Variants in WASF2 observed in about 807,000 individuals in gnomAD.
WASF2 encodes the protein WASP family member 2.
WASF2 carries 14 observed loss-of-function variants against 45.0 expected under a neutral mutation model. The observed-to-expected ratio is 0.31, with a 90% CI of 0.21 to 0.49. The LOEUF is 0.49. Ranked by LOEUF, WASF2 falls within the 20% of genes least tolerant of loss-of-function variation. WASF2 has a pLI of 0.99. For missense variants in WASF2, 439 were observed against 636.1 expected (o/e 0.69, Z 3.33); for synonymous variants, 200 against 236.3 (o/e 0.85, Z 1.41).
chr1:27,427,707 G>C (rs552009552), intron 2 of WASF2, among the ~76,000 whole-genome samples: 1 of 152,268 alleles, frequency 6.6e-6, no homozygotes, highest in East Asian at 1.9e-4. Context: ...CTATTTTAAA[G>C]GCTGGGCCTA....
At chr1:27,417,894 G>C (rs1397772416) in intron 4 of WASF2, among the ~76,000 whole-genome samples, 1 of 104,038 alleles carries the variant, frequency 9.6e-6, no homozygotes, top group Non-Finnish European at 2.3e-5. Context: ...AGCCTTGCTA[G>C]AATGTTGCCC....
At chr1:27,471,141 G>C (rs1054762904) in intron 1 of WASF2, among the ~76,000 whole-genome samples, 1 of 151,944 alleles carries the variant, frequency 6.6e-6, no homozygotes, top group South Asian at 2.1e-4. Context: ...TCAGGAGATC[G>C]AGACCATCCC....
intron 1 of WASF2, among the ~76,000 whole-genome samples, chr1:27,440,943 T>G (rs2017217194): frequency 6.6e-6 from 1 of 152,112 alleles, no homozygotes. Flanking sequence ...CTCAGCTCAC[T>G]GCAGCCTCCC....
intron 1 of WASF2, among the ~76,000 whole-genome samples, chr1:27,484,022 C>A (rs2017890167): frequency 6.6e-6 from 1 of 152,130 alleles, no homozygotes; most frequent in East Asian, 1.9e-4. Flanking sequence ...ACCTGCAACT[C>A]TTGATACAGT....
chr1:27,404,347 G>A lies in WASF2; in HGVS notation c.*3842C>T, dbSNP rs769565516. On this transcript the variant is annotated 3_prime_UTR_variant, in exon 9 of 9. Transcript: ENST00000618852. ...GGCACAAATGTGGTATACACACGAT[G>A]AGCCTGGCAGGGAAGCAAATGAGAC... 1.3e-5 allele frequency: 2 copies of A among 152,256 alleles called. No homozygotes were observed. The highest frequency in any genetic ancestry group is 2.9e-5 in the Non-Finnish European group (2 of 68,044). 9.4% of individuals were successfully genotyped at this position (152,256 alleles called of 1,614,324 possible).
intron 1 of WASF2, among the ~76,000 whole-genome samples, chr1:27,438,974 G>A (rs2017173278): frequency 6.6e-6 from 1 of 152,192 alleles, no homozygotes; most frequent in Non-Finnish European, 1.5e-5. Context: ...AGACTTACAA[G>A]CTAAAGTCCT....
intron 1 of WASF2, among the ~76,000 whole-genome samples, chr1:27,449,127 A>G (rs192189916): frequency 8.3e-4 from 126 of 152,316 alleles, no homozygotes; most frequent in Middle Eastern, 3.4e-3. Flanking sequence ...TCCACATGCC[A>G]TAACGGTTCT....
chr1:27,417,281 C>T (rs1291670969), intron 4 of WASF2, among the ~76,000 whole-genome samples: 1 of 152,234 alleles, frequency 6.6e-6, no homozygotes, highest in Non-Finnish European at 1.5e-5. Context: ...CCAAACCCAA[C>T]TAGACTCAAT....
chr1:27,481,953 ATT>A (rs2017857542), intron 1 of WASF2, among the ~76,000 whole-genome samples: 1 of 152,162 alleles, frequency 6.6e-6, no homozygotes, highest in Non-Finnish European at 1.5e-5. Flanking sequence ...ATATCTGAAC[ATT>A]ATTTCTTCAG....
chr1:27,466,773 G>C (rs2017616345), intron 1 of WASF2, among the ~76,000 whole-genome samples: 1 of 151,980 alleles, frequency 6.6e-6, no homozygotes, highest in East Asian at 1.9e-4. Flanking sequence ...AGGCTGAGGT[G>C]GGAGCCCAGG....
In WASF2 at chr1:27,405,042, G is replaced by T; in HGVS notation, c.*3147C>A. The T allele has an allele frequency of 6.5e-6, 1 of 154,058 alleles. No individual in the cohort carries two copies. Among genetic ancestry groups the T allele is most frequent in the Middle Eastern group, 1.4e-3 (1 of 732 alleles). The allele number at this position is 154,058 out of a possible 1,614,324, so 9.5% of individuals were successfully genotyped here. On this transcript the variant is annotated 3_prime_UTR_variant, in exon 9 of 9. Transcript: ENST00000618852. The stretch of plus-strand genomic sequence containing the variant: ...TCCTAGAGCAGAGCTGGGACACGGT[G>T]GGAATGCTTAAGCAGGGTCACCAAA...
intron 6 of WASF2, 61 bp from the exon 7 acceptor site, chr1:27,412,788 T>C: frequency 1.3e-6 from 2 of 1,594,234 alleles, no homozygotes; most frequent in Non-Finnish European, 1.7e-6. Context: ...TTTTTTCTTC[T>C]TAAAAGGTAC....
chr1:27,479,806 A>C (rs2017821501), intron 1 of WASF2, among the ~76,000 whole-genome samples: 1 of 152,256 alleles, frequency 6.6e-6, no homozygotes. Context: ...CAGAAGCTGC[A>C]GTGAGCCAAG....
intron 1 of WASF2, among the ~76,000 whole-genome samples, chr1:27,488,375 G>A (rs1400178841): frequency 1.3e-5 from 2 of 152,278 alleles, no homozygotes; most frequent in South Asian, 2.1e-4. Context: ...TTAATCAGAG[G>A]TGGGCTATTG....
At chr1:27,486,259 T>G (rs377652280) in intron 1 of WASF2, among the ~76,000 whole-genome samples, 2 of 152,174 alleles carry the variant, frequency 1.3e-5, no homozygotes, top group Non-Finnish European at 2.9e-5. Flanking sequence ...ACATAACACA[T>G]AGTACCATAT....
At chr1:27,488,265 G>A (rs1164211482) in intron 1 of WASF2, among the ~76,000 whole-genome samples, 1 of 152,022 alleles carries the variant, frequency 6.6e-6, no homozygotes, top group Non-Finnish European at 1.5e-5. Context: ...AAAAATTAAG[G>A]GCAGCAAGTT....
At position 27,418,391 on chromosome 1, in the gene WASF2, G is replaced by A; in HGVS notation, c.297C>T (p.Ala99=). ...GGTCTTGAATGGTGGAACTTCTGAA[G>A]GCTTTTCGGGTGTTGATTCCTTGCA... ...VSLQGINTRK[A]FRSSTIQDQK... is the part of the protein sequence containing the mutation. The change falls in exon 4 of 9, where the codon GCC becomes GCT. Residue 99 remains alanine, a synonymous_variant. Transcript: ENST00000618852. The A allele has an allele frequency of 6.2e-7, 1 of 1,614,252 alleles. No individual in the cohort carries two copies. The highest frequency in any genetic ancestry group is 8.5e-7 in the Non-Finnish European group (1 of 1,180,046).
intron 1 of WASF2, among the ~76,000 whole-genome samples, chr1:27,437,869 T>C (rs1443689003): frequency 6.6e-6 from 1 of 152,178 alleles, no homozygotes; most frequent in Non-Finnish European, 1.5e-5. Context: ...AACTAAGCTG[T>C]TCTGAAAAAA....
chr1:27,458,999 G>A (rs2017510890), intron 1 of WASF2, among the ~76,000 whole-genome samples: 2 of 151,428 alleles, frequency 1.3e-5, no homozygotes, highest in Admixed American at 1.3e-4. Context: ...GGTGGCAGGC[G>A]CCTGTAATCC....
Sources: gnomAD v4.1 joint callset for allele counts (sites outside exome capture counted in the v4.1 genomes callset) on GRCh38, gnomAD v4.1.1 for gene constraint, MANE v1.5 for transcripts, NCBI Gene and HGNC (gene_info 2026-07-23, HGNC 2026-07-21) for gene names.